Variants in CDH23 observed in about 807,000 individuals in gnomAD.
The protein encoded by CDH23 is cadherin related 23.
A neutral mutation model predicts 317.1 loss-of-function variants in CDH23; 189 were observed. That is an observed-to-expected ratio of 0.60 (90% CI 0.53 to 0.67). The LOEUF (loss-of-function observed/expected upper bound fraction) is 0.67. Among genes scored for constraint, CDH23 ranks in the 30% least tolerant of loss-of-function variants. The probability of loss-of-function intolerance (pLI) is 0.00; values close to 1 mark genes in which losing one functional copy is unlikely to be tolerated. For synonymous variants in CDH23, 1,839 were observed against 1,876.8 expected (o/e 0.98, Z 0.52); for missense variants, 4,401 against 4,592.4 (o/e 0.96, Z 1.20).
At chr10:71,590,087 G>A (rs557509707) in intron 9 of CDH23, among the ~76,000 whole-genome samples, 5 of 152,316 alleles carry the variant, frequency 3.3e-5, no homozygotes, top group Admixed American at 3.3e-4. Context: ...GCTGCCACAG[G>A]CTGAGAATCA....
chr10:71,758,654 G>A (rs577698612), intron 38 of CDH23, among the ~76,000 whole-genome samples: 1 of 152,298 alleles, frequency 6.6e-6, no homozygotes, highest in South Asian at 2.1e-4. Flanking sequence ...GTGAGCTTGG[G>A]CAAGTTAGCA....
chr10:71,711,390 G>A (rs756604996), intron 27 of CDH23, among the ~76,000 whole-genome samples: 2 of 152,164 alleles, frequency 1.3e-5, no homozygotes, highest in African/African-American at 2.4e-5. Context: ...TGGGGAAGAA[G>A]GATGGCGTCA....
rs117530736 is a variant in CDH23, at chr10:71,752,016, C to T, written c.4845+10095C>T. On this transcript the variant is annotated intron_variant, in intron 38 of 69. Coordinates refer to ENST00000224721, the MANE Select transcript of CDH23 (RefSeq NM_022124.6). ...CAAGCAAGAAGGCAGGAGCCAGGCC[C>T]ACAGAGCAAAGGCCATGGGCTGCAC... 1.6e-3 allele frequency: 1,416 copies of T among 882,678 alleles called. 10 individuals carry two copies. In the African/African-American group the frequency reaches 0.019, roughly 12 times the overall value. 54.7% of individuals were successfully genotyped at this position (882,678 alleles called of 1,614,324 possible).
intron 31 of CDH23, among the ~76,000 whole-genome samples, chr10:71,731,569 G>A (rs1216312033): frequency 6.6e-6 from 1 of 152,160 alleles, no homozygotes; most frequent in Admixed American, 6.5e-5. Context: ...TGACACTGAA[G>A]CCCTTCTGTC....
In CDH23 at chr10:71,699,715, T is replaced by C. The variant is rs74147020; in HGVS notation, c.2398-2307T>C. 9.6e-3 allele frequency among the ~76,000 whole-genome samples: 1,464 copies of C among 152,228 alleles called. 16 individuals are homozygous for C. Among genetic ancestry groups the C allele is most frequent in the African/African-American group, 0.033 (1,377 of 41,534 alleles). On this transcript the variant is annotated intron_variant, in intron 22 of 69. Transcript: ENST00000224721. Reference sequence around the variant, plus strand: ...AGGAGAGAATTATTCCCCATCAGGCTAGGAGAAAAATGACGGGCGTGAAAT... The same window carrying C: ...AGGAGAGAATTATTCCCCATCAGGCCAGGAGAAAAATGACGGGCGTGAAAT...
rs113657102 is a variant in CDH23 at position 71,778,141 on chromosome 10, G to C, written c.5068-48G>C. 1.5e-4 allele frequency: 235 copies of C among 1,610,038 alleles called. No homozygotes were observed. The African/African-American group carries it at 2.8e-3, about 19-fold the overall frequency. ...CCCAAATTGGTCAGAGGGTGCTGCA[G>C]ACCTACCACCCCTAGATCCATCCTT... On this transcript the variant is annotated intron_variant, in intron 39 of 69. Transcript: ENST00000224721.
intron 9 of CDH23, among the ~76,000 whole-genome samples, chr10:71,583,204 G>A (rs1293442299): frequency 6.6e-6 from 1 of 150,904 alleles, no homozygotes; most frequent in African/African-American, 2.4e-5. Context: ...TCATGCATCT[G>A]CAGTAGCTCA....
chr10:71,665,374 C>T (rs984725662), intron 14 of CDH23, among the ~76,000 whole-genome samples: 3 of 152,214 alleles, frequency 2.0e-5, no homozygotes, highest in Non-Finnish European at 4.4e-5. Context: ...TGCCTCATCT[C>T]GGAGCCTCTG....
chr10:71,666,031 G>A (rs1216170317), intron 14 of CDH23, among the ~76,000 whole-genome samples: 1 of 152,214 alleles, frequency 6.6e-6, no homozygotes, highest in Non-Finnish European at 1.5e-5. Context: ...ATTGGCACTG[G>A]TGATGGAGTG....
intron 5 of CDH23, 54 bp from the exon 6 acceptor site, chr10:71,511,066 T>G (rs1853949032): frequency 6.2e-7 from 1 of 1,611,452 alleles, no homozygotes; most frequent in Admixed American, 1.7e-5. Context: ...ACCCCTAGGG[T>G]GGAAGAGGCC....
At chr10:71,625,156 C>T (rs567738151) in intron 11 of CDH23, among the ~76,000 whole-genome samples, 8 of 151,898 alleles carry the variant, frequency 5.3e-5, no homozygotes, top group South Asian at 2.1e-4. Context: ...CACTGGGGGC[C>T]GCTTGGGACC....
chr10:71,802,813 A>C (rs1841593113), intron 53 of CDH23, 85 bp from the exon 54 acceptor site: 1 of 1,435,364 alleles, frequency 7.0e-7, no homozygotes, highest in African/African-American at 1.4e-5. Flanking sequence ...TCCTTCCTCT[A>C]TCCAGGCTTA....
intron 66 of CDH23, 33 bp from the exon 67 acceptor site, chr10:71,812,444 CCCT>C: frequency 2.4e-6 from 2 of 841,514 alleles, no homozygotes; most frequent in Non-Finnish European, 3.8e-6. Flanking sequence ...CTCGAGCCTT[CCCT>C]CCCTCCCCAC....
chr10:71,704,454 T>A (rs1865703427), intron 24 of CDH23, among the ~76,000 whole-genome samples: 1 of 152,138 alleles, frequency 6.6e-6, no homozygotes, highest in Non-Finnish European at 1.5e-5. Context: ...TTGATGTAAT[T>A]TTATTTTTGT....
intron 33 of CDH23, 145 bp downstream of exon 33, chr10:71,734,486 C>T (rs953571885): frequency 2.0e-6 from 3 of 1,532,370 alleles, no homozygotes; most frequent in African/African-American, 2.7e-5. Context: ...CCATGTCCAG[C>T]CATGCCACAC....
intron 6 of CDH23, among the ~76,000 whole-genome samples, chr10:71,515,375 C>CAA (rs1564626463): frequency 8.9e-6 from 1 of 112,916 alleles, no homozygotes; most frequent in Non-Finnish European, 1.7e-5. Flanking sequence ...CTCTCTCTCT[C>CAA]TCTCTCTCTC....
At chr10:71,432,498 C>CAGTGTGTGGGTGAGTGTG (rs1564576435) in intron 1 of CDH23, among the ~76,000 whole-genome samples, 2 of 143,062 alleles carry the variant, frequency 1.4e-5, no homozygotes, top group African/African-American at 5.2e-5. Context: ...TGTGTGTGTG[C>CAGTGTGTGGGTGAGTGTG]AGTGTGTGGG....
Position 71,755,559 on chromosome 10 carries a change from A to G in CDH23, c.4845+13638A>G, listed in dbSNP as rs1589399559. 5.8e-6 allele frequency: 7 copies of G among 1,198,250 alleles called. No homozygotes were observed. The East Asian group carries it at 1.8e-4, about 31-fold the overall frequency. The allele number at this position is 1,198,250 out of a possible 1,614,324, so 74.2% of individuals were successfully genotyped here. On this transcript the variant is annotated intron_variant, in intron 38 of 69. Coordinates refer to ENST00000224721, the MANE Select transcript of CDH23 (RefSeq NM_022124.6). ...GCTCAGAGAGGGAAGGCCAGGAAGC[A>G]GGAGACCCGCCTTTCCCCAGAGTCC...
chr10:71,773,365 C>T (rs775132902), intron 38 of CDH23: 3 of 1,607,958 alleles, frequency 1.9e-6, no homozygotes, highest in Admixed American at 1.7e-5. Flanking sequence ...TACCTAGGGA[C>T]GCAGCCAGGA....
Sources: gnomAD v4.1 joint callset for allele counts (sites outside exome capture counted in the v4.1 genomes callset) on GRCh38, gnomAD v4.1.1 for gene constraint, MANE v1.5 for transcripts, NCBI Gene and HGNC (gene_info 2026-07-23, HGNC 2026-07-21) for gene names.